Variants in PRAMEF15 observed in about 807,000 individuals in gnomAD.
PRAMEF15 encodes PRAME family member 9/15.
In PRAMEF15, 21 loss-of-function variants were observed where a neutral mutation model predicts 35.3. That is an observed-to-expected ratio of 0.59 (90% CI 0.42 to 0.86). PRAMEF15 has a LOEUF of 0.86. Among genes scored for constraint, PRAMEF15 ranks in the 40% least tolerant of loss-of-function variants. The pLI, the probability that PRAMEF15 is intolerant of heterozygous loss-of-function variation, is 0.00. For synonymous variants in PRAMEF15, 122 were observed against 223.3 expected, an observed-to-expected ratio of 0.55 and a Z score of 4.05; for missense variants, 360 against 574.1, an observed-to-expected ratio of 0.63 and a Z score of 3.81.
intron 1 of PRAMEF15, among the ~76,000 whole-genome samples, chr1:13,317,404 G>A (rs1176438956): frequency 6.6e-6 from 1 of 151,808 alleles, no homozygotes; most frequent in Non-Finnish European, 1.5e-5. Context: ...TAACAGGAGT[G>A]CATTGGAAAC....
chr1:13,316,234 C>T (rs1640000819), intron 1 of PRAMEF15, among the ~76,000 whole-genome samples: 1 of 151,660 alleles, frequency 6.6e-6, no homozygotes, highest in African/African-American at 2.4e-5. Flanking sequence ...GAACACCTGA[C>T]CTCAAGTGAT....
chr1:13,319,551 A>G lies in PRAMEF15; in HGVS notation c.473A>G (p.Lys158Arg). 6.2e-7 allele frequency: 1 copy of G among 1,613,786 alleles called. No homozygotes were observed. The highest frequency in any genetic ancestry group is 8.5e-7 in the Non-Finnish European group (1 of 1,179,858). The change falls in exon 3 of 4, where the codon AAG (lysine) becomes AGG (arginine). Residue 158 changes from lysine to arginine, a missense_variant. Coordinates refer to ENST00000376152, the MANE Select transcript of PRAMEF15 (RefSeq NM_001098376.3). ...ACTGTGTTCGTAGAACTTTGGCTCA[A>G]GAACAGGACTCTGGATGAATACCTC... ...PLTVFVELWL[K>R]NRTLDEYLTY...
At chr1:13,321,550 T>G (rs1473800410) in intron 3 of PRAMEF15, among the ~76,000 whole-genome samples, 153 bp from the exon 4 acceptor site, 21 of 151,936 alleles carry the variant, frequency 1.4e-4, no homozygotes, top group Admixed American at 1.2e-3. Context: ...AAGCTCTTCA[T>G]CACGCATCAT....
chr1:13,319,270 A>G, intron 2 of PRAMEF15, 102 bp from the exon 3 acceptor site: 2 of 1,571,286 alleles, frequency 1.3e-6, no homozygotes, highest in Non-Finnish European at 1.7e-6. Flanking sequence ...AGTCAGAGAG[A>G]GGGACAACAA....
At chr1:13,317,306 A>T (rs1248827718) in intron 1 of PRAMEF15, among the ~76,000 whole-genome samples, 5 of 151,842 alleles carry the variant, frequency 3.3e-5, no homozygotes, top group Admixed American at 1.3e-4. Flanking sequence ...CTGATCTCAG[A>T]TGATCCACCT....
Position 13,322,168 on chromosome 1 carries a change from A to T in PRAMEF15, c.1341A>T (p.Leu447Phe). 3 of 1,608,536 alleles carry T rather than the reference A, an allele frequency of 1.9e-6. No homozygotes were observed. Among genetic ancestry groups the T allele is most frequent in the Non-Finnish European group, 2.5e-6 (3 of 1,179,166 alleles). ...RAELMNRVRDLRHPKRILFCT... is the reference protein window; with the variant it reads ...RAELMNRVRDFRHPKRILFCT... ...AGCTGATGAACAGAGTGAGGGACTT[A>T]AGGCACCCCAAGAGGATCTTGTTCT... Residue 447 changes from leucine (L) to phenylalanine (F), a missense_variant, in exon 4 of 4, where the codon TTA becomes TTT. Physicochemically the swap from Leu to Phe is conservative, Grantham distance 22. Around this residue, in one of 8 missense-constraint regions of PRAMEF15, gnomAD observed 147 missense variants for 123.5 expected, o/e 1.19. Coordinates refer to ENST00000376152, the MANE Select transcript of PRAMEF15 (RefSeq NM_001098376.3).
chr1:13,317,151 C>A (rs1360994290), intron 1 of PRAMEF15, among the ~76,000 whole-genome samples: 1 of 151,672 alleles, frequency 6.6e-6, no homozygotes, highest in Non-Finnish European at 1.5e-5. Context: ...CTCACTGCAA[C>A]TTCTGCCTCC....
intron 1 of PRAMEF15, among the ~76,000 whole-genome samples, chr1:13,316,148 C>T (rs1639999662): frequency 6.6e-6 from 1 of 151,688 alleles, no homozygotes; most frequent in East Asian, 1.9e-4. Context: ...GTGTCACAGA[C>T]ATCTGAAACC....
intron 1 of PRAMEF15, among the ~76,000 whole-genome samples, 182 bp from the exon 2 acceptor site, chr1:13,318,210 C>T (rs1344069313): frequency 7.2e-5 from 11 of 152,118 alleles, no homozygotes; most frequent in Non-Finnish European, 1.3e-4. Context: ...TTCGGAGACG[C>T]TCATGCTGAT....
rs1462374915 is a variant in PRAMEF15 at position 13,321,554 on chromosome 1, G to A, written c.876-149G>A. 222 of 1,424,578 alleles carry A rather than the reference G, an allele frequency of 1.6e-4. 1 individual carries two copies. The highest frequency in any genetic ancestry group is 8.3e-4 in the South Asian group (65 of 78,518). The allele number at this position is 1,424,578 out of a possible 1,614,324, so 88.2% of individuals were successfully genotyped here. ...CCTCAGTGGCAAAGCTCTTCATCAC[G>A]CATCATCCTAAGTGTTGACCATCAG... On this transcript the variant is annotated intron_variant, in intron 3 of 3. Transcript: ENST00000376152.
At chr1:13,316,379 C>T (rs1468178669) in intron 1 of PRAMEF15, among the ~76,000 whole-genome samples, 4 of 151,602 alleles carry the variant, frequency 2.6e-5, no homozygotes, top group Non-Finnish European at 4.4e-5. Context: ...GAGCCATGCT[C>T]ATACCACTGC....
Position 13,319,232 on chromosome 1 carries a change from G to C in PRAMEF15, c.294-140G>C, listed in dbSNP as rs1312509126. On this transcript the variant is annotated intron_variant, in intron 2 of 3. Transcript: ENST00000376152. Reference sequence around the variant, plus strand: ...AACAAAACAATGTGGAAGTGGGCAGGATCCAAGGGGAAAACAGAGTGAAGA... The same window carrying C: ...AACAAAACAATGTGGAAGTGGGCAGCATCCAAGGGGAAAACAGAGTGAAGA... 1.2e-5 allele frequency: 17 copies of C among 1,445,358 alleles called. No individual in the cohort carries two copies. In the Middle Eastern group the frequency reaches 7.5e-4, roughly 64 times the overall value. 89.5% of individuals were successfully genotyped at this position (1,445,358 alleles called of 1,614,324 possible). A position where few individuals can be genotyped will look rare whatever the true frequency, so the allele number is the denominator to read the frequency against.
intron 3 of PRAMEF15, 97 bp downstream of exon 3, chr1:13,320,050 A>T: frequency 6.3e-7 from 1 of 1,599,460 alleles, no homozygotes; most frequent in Admixed American, 1.7e-5. Context: ...ATGAGGATGA[A>T]ACAGTGAAGA....
intron 3 of PRAMEF15, 62 bp downstream of exon 3, chr1:13,320,015 G>C: frequency 6.2e-7 from 1 of 1,607,688 alleles, no homozygotes; most frequent in African/African-American, 1.3e-5. Context: ...GTCAACACTA[G>C]TGGGCATCTA....
intron 1 of PRAMEF15, 117 bp downstream of exon 1, chr1:13,315,775 T>TGTA (rs1425537947): frequency 1.3e-5 from 2 of 150,246 alleles, no homozygotes; most frequent in East Asian, 2.0e-4. Context: ...TTTTTTTTTT[T>TGTA]TATATGAACA....
intron 3 of PRAMEF15, among the ~76,000 whole-genome samples, chr1:13,320,176 G>T (rs1205045612): frequency 6.6e-6 from 1 of 152,094 alleles, no homozygotes; most frequent in Non-Finnish European, 1.5e-5. Context: ...TGGAGAGGCT[G>T]CCATGCTAGG....
At chr1:13,316,006 T>A (rs1490892707) in intron 1 of PRAMEF15, among the ~76,000 whole-genome samples, 7 of 150,712 alleles carry the variant, frequency 4.6e-5, no homozygotes, top group Non-Finnish European at 8.9e-5. Flanking sequence ...CACAACGTTT[T>A]TTTTGGGGGT....
chr1:13,321,708 T>C lies in PRAMEF15; in HGVS notation c.881T>C (p.Leu294Pro). ...TTCTTGCTCTCTCTCCCCAGCTGTC[T>C]GAAGACCTCGTTAAAAGTCCTCACA... is the stretch of plus-strand genomic sequence containing the variant. ...EGHLDQLLSC[L>P]KTSLKVLTIT... Residue 294 changes from leucine (L) to proline (P), a missense_variant, in exon 4 of 4, where the codon CTG (leucine) becomes CCG (proline). By Grantham distance (98) the Leu-to-Pro change is moderately conservative. Around this residue, in one of 8 missense-constraint regions of PRAMEF15, gnomAD observed 72 missense variants for 79.9 expected, o/e 0.90. Transcript: ENST00000376152. 6.2e-7 allele frequency: 1 copy of C among 1,607,862 alleles called. No individual in the cohort carries two copies. The highest frequency in any genetic ancestry group is 8.5e-7 in the Non-Finnish European group (1 of 1,177,306).
At chr1:13,318,307 C>A in intron 1 of PRAMEF15, 85 bp from the exon 2 acceptor site, 6 of 1,590,472 alleles carry the variant, frequency 3.8e-6, no homozygotes, top group Non-Finnish European at 5.1e-6. Flanking sequence ...ATTGCCAGAG[C>A]AGTGAGTTTG....
Sources: gnomAD v4.1 joint callset for allele counts (sites outside exome capture counted in the v4.1 genomes callset) on GRCh38, gnomAD v4.1.1 for gene constraint, gnomAD v4.1.1 regional missense constraint, MANE v1.5 for transcripts, NCBI Gene and HGNC (gene_info 2026-07-23, HGNC 2026-07-21) for gene names.